GRM7: variants seen among roughly 807,000 people sequenced by gnomAD.
GRM7 encodes the protein metabotropic glutamate receptor 7.
A neutral mutation model predicts 84.5 loss-of-function variants in GRM7; 35 were observed. The observed-to-expected ratio is 0.41, with a 90% CI of 0.32 to 0.55. The LOEUF (loss-of-function observed/expected upper bound fraction) is 0.55. Among genes scored for constraint, GRM7 ranks in the 20% least tolerant of loss-of-function variants. The pLI is 0.19. For missense variants in GRM7, 1,003 were observed against 1,194.6 expected, an observed-to-expected ratio of 0.84 and a Z score of 2.36; for synonymous variants, 487 against 455.1, an observed-to-expected ratio of 1.07 and a Z score of -0.89.
chr3:7,104,120 T>A (rs1699218330), intron 1 of GRM7, among the ~76,000 whole-genome samples: 1 of 151,646 alleles, frequency 6.6e-6, no homozygotes, highest in South Asian at 2.1e-4. Context: ...AGTGCCCTTA[T>A]AAGAAGGTAT....
chr3:7,352,269 C>T (rs1387008175), intron 4 of GRM7, among the ~76,000 whole-genome samples: 2 of 152,056 alleles, frequency 1.3e-5, no homozygotes, highest in African/African-American at 4.8e-5. Context: ...AGAACAAATG[C>T]ATTTGATATT....
chr3:7,053,239 T>C (rs1047387958), intron 1 of GRM7, among the ~76,000 whole-genome samples: 11 of 151,514 alleles, frequency 7.3e-5, no homozygotes, highest in Non-Finnish European at 5.9e-5. Context: ...TTTTTTACTT[T>C]AGTTATCTTA....
intron 1 of GRM7, among the ~76,000 whole-genome samples, chr3:6,971,919 T>C (rs1693774201): frequency 6.6e-6 from 1 of 152,230 alleles, no homozygotes; most frequent in Admixed American, 6.5e-5. Flanking sequence ...TAAAAGGTAA[T>C]ATTTATTGCA....
intron 4 of GRM7, among the ~76,000 whole-genome samples, chr3:7,410,596 T>TACACACACACACACAC (rs767671354): frequency 1.5e-5 from 1 of 68,734 alleles, no homozygotes; most frequent in East Asian, 3.4e-4. Context: ...TATATATATA[T>TACACACACACACACAC]ATACACACAC....
intron 9 of GRM7, among the ~76,000 whole-genome samples, chr3:7,684,801 T>C (rs926125909): frequency 5.9e-5 from 9 of 152,174 alleles, no homozygotes; most frequent in Non-Finnish European, 1.2e-4. Context: ...TGCTAGTCTC[T>C]GCACTTAGAT....
chr3:6,934,221 A>G (rs938555044), intron 1 of GRM7, among the ~76,000 whole-genome samples: 4 of 152,212 alleles, frequency 2.6e-5, no homozygotes, highest in Non-Finnish European at 5.9e-5. Context: ...TTAGGTACTC[A>G]GAAAATCTCC....
intron 1 of GRM7, among the ~76,000 whole-genome samples, chr3:7,068,554 G>A (rs530883396): frequency 6.6e-6 from 1 of 151,972 alleles, no homozygotes; most frequent in Admixed American, 6.6e-5. Flanking sequence ...GTACAACATT[G>A]TTTACTGTGG....
At chr3:7,351,463 GAT>G (rs1693144787) in intron 4 of GRM7, among the ~76,000 whole-genome samples, 2 of 151,828 alleles carry the variant, frequency 1.3e-5, no homozygotes, top group South Asian at 4.2e-4. Context: ...CATTGTCTGT[GAT>G]GGTTAATTTT....
chr3:7,685,404 T>C (rs1377161756), intron 9 of GRM7, among the ~76,000 whole-genome samples: 1 of 152,078 alleles, frequency 6.6e-6, no homozygotes, highest in Non-Finnish European at 1.5e-5. Context: ...TCAAGGACCT[T>C]AGCTAGATAT....
At position 7,229,757 on chromosome 3, in the gene GRM7, ATATTTTT is replaced by A. The variant is rs1451961957; in HGVS notation, c.737-68925_737-68919del. Among the ~76,000 whole-genome samples, 130 of 26,860 alleles carry A rather than the reference ATATTTTT, an allele frequency of 4.8e-3. 2 individuals carry two copies. Among genetic ancestry groups the A allele is most frequent in the Admixed American group, 7.2e-3 (12 of 1,670 alleles). 17.6% of individuals were successfully genotyped at this position (26,860 alleles called of 152,430 possible). A position where few individuals can be genotyped will look rare whatever the true frequency, so the allele number is the denominator to read the frequency against. On this transcript the variant is annotated intron_variant, in intron 2 of 9. Coordinates refer to ENST00000357716, the MANE Select transcript of GRM7 (RefSeq NM_000844.4). Reference sequence around the variant, plus strand: ...TATATATATATATATATATATATATATATTTTTTTTTTTTTTTGGTTGACAGGTGTTG... The same window carrying A: ...TATATATATATATATATATATATATATTTTTTTTTTGGTTGACAGGTGTTG...
At chr3:7,600,378 G>A (rs1696256113) in intron 8 of GRM7, among the ~76,000 whole-genome samples, 1 of 152,070 alleles carries the variant, frequency 6.6e-6, no homozygotes, top group Non-Finnish European at 1.5e-5. Flanking sequence ...GTGAGATGGG[G>A]CTGGCAGAGG....
chr3:7,361,773 A>G (rs967516573), intron 4 of GRM7, among the ~76,000 whole-genome samples: 19 of 152,160 alleles, frequency 1.2e-4, no homozygotes, highest in Non-Finnish European at 1.8e-4. Context: ...TCTTGAATGT[A>G]AGAACTAATG....
intron 2 of GRM7, among the ~76,000 whole-genome samples, chr3:7,230,966 C>G (rs1422421808): frequency 2.0e-5 from 3 of 152,102 alleles, no homozygotes; most frequent in African/African-American, 7.2e-5. Context: ...TCATACTCAC[C>G]CATCCAGCCA....
At chr3:7,130,576 T>A (rs1693562484) in intron 1 of GRM7, among the ~76,000 whole-genome samples, 1 of 148,198 alleles carries the variant, frequency 6.7e-6, no homozygotes, top group Non-Finnish European at 1.5e-5. Context: ...AAAAAAGGAT[T>A]AATGGCCCAT....
chr3:7,534,033 G>A (rs1370572256), intron 7 of GRM7, among the ~76,000 whole-genome samples: 1 of 70,872 alleles, frequency 1.4e-5, no homozygotes, highest in Non-Finnish European at 2.9e-5. Flanking sequence ...TTTTTTTTTT[G>A]AGATGGAATC....
chr3:7,301,672 T>A (rs1575140060), intron 3 of GRM7, among the ~76,000 whole-genome samples: 1 of 45,212 alleles, frequency 2.2e-5, no homozygotes. Context: ...ATTGGACTTG[T>A]TTGTGTGTTA....
intron 1 of GRM7, among the ~76,000 whole-genome samples, chr3:6,878,451 C>T (rs1488706900): frequency 6.7e-6 from 1 of 149,866 alleles, no homozygotes; most frequent in African/African-American, 2.5e-5. Flanking sequence ...GATCTTGAAA[C>T]TCTACTAAGA....
chr3:7,612,137 A>G (rs1283202453), intron 8 of GRM7, among the ~76,000 whole-genome samples: 6 of 152,162 alleles, frequency 3.9e-5, no homozygotes, highest in Admixed American at 3.3e-4. Flanking sequence ...GCATGGTAGA[A>G]TGGCTAGAAA....
intron 8 of GRM7, among the ~76,000 whole-genome samples, chr3:7,669,406 A>G (rs1483249429): frequency 1.3e-5 from 2 of 152,182 alleles, no homozygotes; most frequent in Non-Finnish European, 2.9e-5. Context: ...TGGATGGAGC[A>G]TGGCTCATTT....
Sources: allele counts gnomAD v4.1 joint callset (sites outside exome capture counted in the v4.1 genomes callset), GRCh38; gene constraint gnomAD v4.1.1; transcripts MANE v1.5; gene names NCBI Gene and HGNC (gene_info 2026-07-23, HGNC 2026-07-21).